The following RCC1 variants were observed in gnomAD, a reference collection of about 807,000 sequenced individuals.
RCC1 encodes regulator of chromosome condensation.
A neutral mutation model predicts 44.4 loss-of-function variants in RCC1; 11 were observed. The ratio of observed to expected loss-of-function variants is 0.25; its 90% CI spans 0.16 to 0.41. The LOEUF is 0.41. Ranked by LOEUF, RCC1 falls within the 10% of genes least tolerant of loss-of-function variation. The pLI, the probability that RCC1 is intolerant of heterozygous loss-of-function variation, is 1.00. For synonymous variants in RCC1, 213 were observed against 216.5 expected, an observed-to-expected ratio of 0.98 and a Z score of 0.14; for missense variants, 386 against 547.1, an observed-to-expected ratio of 0.71 and a Z score of 2.94.
chr1:28,529,889 A>AAAGAAGGT lies in RCC1; in HGVS notation c.24_31dup (p.Ser11Ter), dbSNP rs1305631718. ...AAGATGTCACCCAAGCGCATAGCTA[A>AAAGAAGGT]AAGAAGGTCCCCCCCAGCAGATGCC... On this transcript the variant is annotated frameshift_variant, in exon 5 of 13. Coordinates refer to ENST00000683442, the MANE Select transcript of RCC1 (RefSeq NM_001381865.2). LOFTEE classifies it high-confidence loss of function. 12 of 1,613,956 alleles carry AAAGAAGGT rather than the reference A, an allele frequency of 7.4e-6. No homozygotes were observed. Among genetic ancestry groups the AAAGAAGGT allele is most frequent in the Non-Finnish European group, 7.6e-6 (9 of 1,180,006 alleles).
chr1:28,535,528 G>A, intron 9 of RCC1, 148 bp downstream of exon 9: 1 of 1,256,650 alleles, frequency 8.0e-7, no homozygotes, highest in Middle Eastern at 1.8e-4. Flanking sequence ...TGCTCTGGTA[G>A]TTTTGCCACC....
In RCC1 at chr1:28,532,324, C is replaced by G; in HGVS notation, c.415C>G (p.Arg139Gly). ...CACAGCAGCCCTCACCGATGATGGC[C>G]GTGTCTTCCTCTGGGGCTCCTTCCG... ...SHTAALTDDG[R>G]VFLWGSFRDN... The change falls in exon 7 of 13, where the codon CGT (arginine) becomes GGT (glycine). Residue 139 changes from arginine (R) to glycine (G), a missense_variant. Physicochemically the swap from Arg to Gly is moderately radical, Grantham distance 125 (BLOSUM62 -2). Transcript: ENST00000683442. 1 of 1,614,078 alleles carries G rather than the reference C, an allele frequency of 6.2e-7. No individual in the cohort carries two copies. The highest frequency in any genetic ancestry group is 8.5e-7 in the Non-Finnish European group (1 of 1,180,018).
At chr1:28,509,788 GT>G (rs1662364172) in intron 3 of RCC1, 1 of 152,148 alleles carries the variant, frequency 6.6e-6, no homozygotes, top group South Asian at 2.1e-4. Flanking sequence ...TATATTGGCA[GT>G]TTATTGGGAA....
chr1:28,536,218 T>C lies in RCC1; in HGVS notation c.818-44T>C, dbSNP rs772956463. 3.1e-6 allele frequency: 5 copies of C among 1,605,092 alleles called. No homozygotes were observed. In the South Asian group the frequency reaches 5.6e-5, roughly 18 times the overall value. On this transcript the variant is annotated intron_variant, in intron 10 of 12. Transcript: ENST00000683442. The surrounding 1 kb of genome is among the most constrained non-coding windows in gnomAD (Gnocchi z 4.9). ...GTGGGAGGAGATTGAGAAGGGCAGC[T>C]CTCAGAACACCTTCACCCCTGATGG...
At chr1:28,533,173 G>T (rs914436114) in intron 7 of RCC1, among the ~76,000 whole-genome samples, 2 of 151,972 alleles carry the variant, frequency 1.3e-5, no homozygotes, top group African/African-American at 2.4e-5. Flanking sequence ...TCAAACACAT[G>T]AAAGTAATCA....
chr1:28,523,798 T>C (rs1302947663), intron 4 of RCC1, among the ~76,000 whole-genome samples: 1 of 152,186 alleles, frequency 6.6e-6, no homozygotes, highest in Non-Finnish European at 1.5e-5. Flanking sequence ...CATACAGCTG[T>C]CTATCTAAAA....
At chr1:28,511,247 T>C (rs779667978) in intron 3 of RCC1, among the ~76,000 whole-genome samples, 6 of 152,250 alleles carry the variant, frequency 3.9e-5, no homozygotes, top group African/African-American at 1.2e-4. Flanking sequence ...AGTGATAAAC[T>C]ACCTCATAGA....
Position 28,527,791 on chromosome 1 carries a change from TC to T in RCC1, c.-9-2066del, listed in dbSNP as rs1183983699. ...TTGGGAGGCCAAGGTGGGTGGATCA[TC>T]TGAGGTCAGGAGTTCAAGACCAGCG... On this transcript the variant is annotated intron_variant, in intron 4 of 12. Coordinates refer to ENST00000683442, the MANE Select transcript of RCC1 (RefSeq NM_001381865.2). Among the ~76,000 whole-genome samples the T allele has an allele frequency of 8.8e-5, 13 of 146,972 alleles. No individual in the cohort carries two copies. In the East Asian group the frequency reaches 2.8e-3, roughly 32 times the overall value.
In RCC1 at chr1:28,514,195, T is replaced by A. The variant is rs373178156; in HGVS notation, c.-152-2530T>A. 3.9e-3 allele frequency among the ~76,000 whole-genome samples: 586 copies of A among 151,222 alleles called. 2 individuals are homozygous for A. The highest frequency in any genetic ancestry group is 0.013 in the African/African-American group (540 of 41,204). ...GCGGGGCCCGGTGGCTCACGCCTGT[T>A]ATCCCAGCATTTTGGGAGGCCGAGG... On this transcript the variant is annotated intron_variant, in intron 3 of 12. Transcript: ENST00000683442.
At chr1:28,532,655 CT>C (rs984921795) in intron 7 of RCC1, 1 of 506,752 alleles carries the variant, frequency 2.0e-6, no homozygotes, top group Non-Finnish European at 3.8e-6. Context: ...TGACTTCTGT[CT>C]CCCCCTCACC....
intron 1 of RCC1, chr1:28,507,667 C>G: frequency 5.1e-6 from 2 of 390,922 alleles, no homozygotes; most frequent in Non-Finnish European, 9.9e-6. Flanking sequence ...CAGTGGCGCA[C>G]TCCATTGCCT....
intron 3 of RCC1, among the ~76,000 whole-genome samples, chr1:28,513,064 C>T (rs541664307): frequency 6.6e-6 from 1 of 151,288 alleles, no homozygotes; most frequent in Non-Finnish European, 1.5e-5. Context: ...TGAGCCACCG[C>T]GCCCAGCCTC....
At position 28,525,236 on chromosome 1, in the gene RCC1, G is replaced by C. The variant is rs181285380; in HGVS notation, c.-9-4622G>C. 5.7e-4 allele frequency among the ~76,000 whole-genome samples: 87 copies of C among 152,250 alleles called. No homozygotes were observed. In the Middle Eastern group the frequency reaches 0.027, roughly 48 times the overall value. ...TCTGGAATCTATAGATAACATAACC[G>C]GTTAGGTCAGGGGTCGATCTTTAAC... On this transcript the variant is annotated intron_variant, in intron 4 of 12. Coordinates refer to ENST00000683442, the MANE Select transcript of RCC1 (RefSeq NM_001381865.2).
chr1:28,526,889 TC>T, intron 4 of RCC1: 1 of 704,644 alleles, frequency 1.4e-6, no homozygotes, highest in South Asian at 1.7e-5. Flanking sequence ...ACAGCAAGAC[TC>T]CGTCTCGGAA....
chr1:28,535,418 A>C, intron 9 of RCC1, 38 bp downstream of exon 9: 1 of 1,611,062 alleles, frequency 6.2e-7, no homozygotes, highest in South Asian at 1.1e-5. Context: ...GCAAATTGGC[A>C]GGCCACCCCC....
intron 3 of RCC1, chr1:28,509,115 T>C (rs1315557036): frequency 6.1e-6 from 2 of 329,768 alleles, no homozygotes; most frequent in East Asian, 1.6e-4. Context: ...CATACCTCTT[T>C]TAAAAGTCGA....
In RCC1 at chr1:28,532,319, A is replaced by G; in HGVS notation, c.410A>G (p.Asp137Gly). Reference sequence around the variant, plus strand: ...AGTCACACAGCAGCCCTCACCGATGATGGCCGTGTCTTCCTCTGGGGCTCC... The same window carrying G: ...AGTCACACAGCAGCCCTCACCGATGGTGGCCGTGTCTTCCTCTGGGGCTCC... Reference protein sequence around the residue: ...GDSHTAALTDDGRVFLWGSFR... With the variant: ...GDSHTAALTDGGRVFLWGSFR... The change falls in exon 7 of 13, where the codon GAT (aspartate) becomes GGT (glycine). Residue 137 changes from aspartate (D) to glycine (G), a missense_variant. Asp to Gly is a moderately conservative substitution (Grantham distance 94). Transcript: ENST00000683442. 6.2e-7 allele frequency: 1 copy of G among 1,614,088 alleles called. No individual in the cohort carries two copies.
At chr1:28,508,522 A>G (rs1328150796) in intron 2 of RCC1, 2 of 502,194 alleles carry the variant, frequency 4.0e-6, no homozygotes, top group African/African-American at 3.9e-5. Context: ...GCAATATTGG[A>G]TTTGTCGGTT....
intron 5 of RCC1, among the ~76,000 whole-genome samples, chr1:28,531,255 T>TTTTC (rs1664144890): frequency 7.3e-6 from 1 of 137,228 alleles, no homozygotes; most frequent in Non-Finnish European, 1.6e-5. Flanking sequence ...ATTAGCTTTC[T>TTTTC]TTTCTTTTTC....
Sources: gnomAD v4.1 joint callset for allele counts (sites outside exome capture counted in the v4.1 genomes callset) on GRCh38, gnomAD v4.1.1 for gene constraint, Gnocchi (gnomAD v3.1) non-coding constraint, MANE v1.5 for transcripts, NCBI Gene and HGNC (gene_info 2026-07-23, HGNC 2026-07-21) for gene names.